The following PAM variants were observed in gnomAD, a reference collection of about 807,000 sequenced individuals.
PAM encodes peptidylglycine alpha-amidating monooxygenase, also known as peptidyl-glycine alpha-amidating monooxygenase.
PAM carries 72 observed loss-of-function variants against 122.1 expected under a neutral mutation model. The observed-to-expected ratio is 0.59, with a 90% confidence interval of 0.49 to 0.72. The LOEUF is 0.72. Ranked by LOEUF, PAM falls within the 30% of genes least tolerant of loss-of-function variation. The pLI is 0.00. For synonymous variants in PAM, 389 were observed against 404.4 expected, an observed-to-expected ratio of 0.96 and a Z score of 0.46; for missense variants, 1,106 against 1,183.7, an observed-to-expected ratio of 0.93 and a Z score of 0.96.
chr5:102,884,216 AGAT>A (rs1425380735), intron 3 of PAM, among the ~76,000 whole-genome samples: 1 of 151,846 alleles, frequency 6.6e-6, no homozygotes, highest in Non-Finnish European at 1.5e-5. Flanking sequence ...ATCATTGAGA[AGAT>A]CATCTATTAT....
intron 19 of PAM, among the ~76,000 whole-genome samples, 161 bp downstream of exon 19, chr5:103,007,172 C>T (rs995659831): frequency 2.2e-5 from 3 of 139,072 alleles, no homozygotes; most frequent in African/African-American, 8.4e-5. Context: ...CTCTCACACA[C>T]ACACACACAC....
intron 23 of PAM, among the ~76,000 whole-genome samples, chr5:103,020,577 G>T (rs1195534219): frequency 6.6e-6 from 1 of 152,112 alleles, no homozygotes; most frequent in African/African-American, 2.4e-5. Flanking sequence ...GTTTATGTTT[G>T]TACATTCTAG....
At chr5:103,019,737 A>G in intron 22 of PAM, 53 bp from the exon 23 acceptor site, 1 of 1,188,428 alleles carries the variant, frequency 8.4e-7, no homozygotes, top group Non-Finnish European at 1.3e-6. Context: ...TAAATTTTCA[A>G]ATGTTCTTTT....
intron 5 of PAM, 62 bp downstream of exon 5, chr5:102,914,083 G>C (rs1365662858): frequency 2.4e-6 from 2 of 845,556 alleles, no homozygotes; most frequent in Non-Finnish European, 4.1e-6. Context: ...AGTGCAAAGT[G>C]TATCTGTGCA....
rs1195384182 is a variant in PAM at position 103,029,281 on chromosome 5, C to A, written c.*216C>A. On this transcript the variant is annotated 3_prime_UTR_variant, in exon 26 of 26. Coordinates refer to ENST00000438793, the MANE Select transcript of PAM (RefSeq NM_001177306.2). Reference sequence around the variant, plus strand: ...AACAGTGCCATTGTCTTTATATGAACATAGACTAGAGAAACCGTCCTCTTT... The same window carrying A: ...AACAGTGCCATTGTCTTTATATGAAAATAGACTAGAGAAACCGTCCTCTTT... 3 of 391,128 alleles carry A rather than the reference C, an allele frequency of 7.7e-6. No individual in the cohort carries two copies. Among genetic ancestry groups the A allele is most frequent in the Admixed American group, 4.4e-5 (1 of 22,776 alleles). 24.2% of individuals were successfully genotyped at this position (391,128 alleles called of 1,614,324 possible). A position where few individuals can be genotyped will look rare whatever the true frequency, so the allele number is the denominator to read the frequency against.
chr5:102,835,254 G>T (rs1231336035), intron 1 of PAM, among the ~76,000 whole-genome samples: 1 of 152,074 alleles, frequency 6.6e-6, no homozygotes, highest in African/African-American at 2.4e-5. Context: ...GTCATGTAGT[G>T]ATCCCTTCTC....
At chr5:103,006,171 A>G (rs951169302) in intron 18 of PAM, among the ~76,000 whole-genome samples, 1 of 152,148 alleles carries the variant, frequency 6.6e-6, no homozygotes, top group Non-Finnish European at 1.5e-5. Context: ...TCCTGGACTC[A>G]TGCAATCCAC....
intron 12 of PAM, among the ~76,000 whole-genome samples, chr5:102,958,985 T>C (rs1394890258): frequency 6.6e-6 from 1 of 152,114 alleles, no homozygotes; most frequent in Non-Finnish European, 1.5e-5. Context: ...AAAAGTCTTG[T>C]GAAGGTGTAC....
intron 4 of PAM, among the ~76,000 whole-genome samples, chr5:102,910,565 T>G (rs1801100186): frequency 6.6e-6 from 1 of 151,864 alleles, no homozygotes; most frequent in South Asian, 2.1e-4. Flanking sequence ...GAAGTACCAT[T>G]TCCACTTAAG....
chr5:103,001,951 C>A lies in PAM; in HGVS notation c.1614-1082C>A, dbSNP rs546377343. ...CTTGCCTGATGCTATAAAGGCAATTCTGTTTTACAGAAATATTCATAAGTC... is the reference window on the plus strand; with the variant it reads ...CTTGCCTGATGCTATAAAGGCAATTATGTTTTACAGAAATATTCATAAGTC... On this transcript the variant is annotated intron_variant, in intron 16 of 25. Coordinates refer to ENST00000438793, the MANE Select transcript of PAM (RefSeq NM_001177306.2). 2.6e-5 allele frequency among the ~76,000 whole-genome samples: 4 copies of A among 152,128 alleles called. No individual in the cohort carries two copies. The East Asian group carries it at 7.7e-4, about 29-fold the overall frequency.
chr5:103,012,471 C>T (rs1319858707), intron 21 of PAM, among the ~76,000 whole-genome samples: 1 of 152,082 alleles, frequency 6.6e-6, no homozygotes, highest in Non-Finnish European at 1.5e-5. Context: ...AAGTATCATT[C>T]GTCTGCATGT....
At chr5:102,845,798 T>C (rs1301289636) in intron 1 of PAM, among the ~76,000 whole-genome samples, 1 of 152,188 alleles carries the variant, frequency 6.6e-6, no homozygotes, top group African/African-American at 2.4e-5. Flanking sequence ...CTGAAGTAAC[T>C]AAAACTTGAT....
At chr5:102,994,253 C>T (rs1304986072) in intron 16 of PAM, among the ~76,000 whole-genome samples, 1 of 152,098 alleles carries the variant, frequency 6.6e-6, no homozygotes, top group Non-Finnish European at 1.5e-5. Flanking sequence ...TGGGACCCAT[C>T]TAGATGTTAT....
intron 1 of PAM, among the ~76,000 whole-genome samples, chr5:102,767,776 T>C (rs1333473776): frequency 6.6e-6 from 1 of 152,208 alleles, no homozygotes; most frequent in African/African-American, 2.4e-5. Flanking sequence ...TTTCTGCTTA[T>C]TGTTTTTTGT....
intron 1 of PAM, among the ~76,000 whole-genome samples, chr5:102,823,436 C>T (rs1310864594): frequency 1.3e-5 from 2 of 151,994 alleles, no homozygotes; most frequent in East Asian, 1.9e-4. Context: ...AGTTTTTTCT[C>T]CTTAAAGTAT....
At chr5:102,780,914 T>C (rs887690932) in intron 1 of PAM, among the ~76,000 whole-genome samples, 5 of 151,214 alleles carry the variant, frequency 3.3e-5, no homozygotes, top group African/African-American at 1.2e-4. Context: ...TTGTGGGGGC[T>C]GTCCTGTGCA....
chr5:102,837,495 C>G (rs919841803), intron 1 of PAM, among the ~76,000 whole-genome samples: 4 of 152,166 alleles, frequency 2.6e-5, no homozygotes, highest in Non-Finnish European at 5.9e-5. Context: ...ACACTTCTTG[C>G]TTTTATGATA....
chr5:102,834,944 G>C (rs1178362929), intron 1 of PAM, among the ~76,000 whole-genome samples: 1 of 152,106 alleles, frequency 6.6e-6, no homozygotes, highest in Non-Finnish European at 1.5e-5. Context: ...TACCTACTGT[G>C]CATTTAATGC....
intron 11 of PAM, among the ~76,000 whole-genome samples, chr5:102,950,418 T>TGTGA (rs944453904): frequency 1.2e-5 from 1 of 81,704 alleles, no homozygotes; most frequent in Non-Finnish European, 3.0e-5. Flanking sequence ...TGTGGGTGGG[T>TGTGA]GTGTGTGTGT....
Sources: allele counts gnomAD v4.1 joint callset (sites outside exome capture counted in the v4.1 genomes callset), GRCh38; gene constraint gnomAD v4.1.1; transcripts MANE v1.5; gene names NCBI Gene and HGNC (gene_info 2026-07-23, HGNC 2026-07-21).